Variants in SERPINB10 observed in about 807,000 individuals in gnomAD.
SERPINB10 encodes the protein serpin B10.
In SERPINB10, 35 loss-of-function variants were observed where a neutral mutation model predicts 39.1. The ratio of observed to expected loss-of-function variants is 0.90; its 90% CI spans 0.68 to 1.19. The LOEUF (loss-of-function observed/expected upper bound fraction) is 1.19. Among genes scored for constraint, SERPINB10 ranks in the 50% most tolerant of loss-of-function variants. SERPINB10 has a pLI of 0.00. For synonymous variants in SERPINB10, 190 were observed against 158.1 expected (o/e 1.20, Z -1.52); for missense variants, 546 against 460.5 (o/e 1.19, Z -1.70).
intron 5 of SERPINB10, among the ~76,000 whole-genome samples, chr18:63,924,014 A>G (rs931380498): frequency 2.0e-5 from 3 of 151,936 alleles, no homozygotes; most frequent in Admixed American, 6.6e-5. Flanking sequence ...AGTCAGCTTT[A>G]TCTGAATATG....
chr18:63,917,480 G>A lies in SERPINB10; in HGVS notation c.193G>A (p.Gly65Arg), dbSNP rs1044060732. 1.3e-6 allele frequency: 2 copies of A among 1,582,802 alleles called. No homozygotes were observed. The highest frequency in any genetic ancestry group is 1.4e-5 in the African/African-American group (1 of 73,024). Residue 65 changes from glycine (G) to arginine (R), a missense_variant, in exon 3 of 8, where the codon GGA (glycine) becomes AGA (arginine). Physicochemically the swap from Gly to Arg is moderately radical, Grantham distance 125. Coordinates refer to ENST00000238508, the MANE Select transcript of SERPINB10 (RefSeq NM_005024.3). ...AQVLQFNRDQGVKCDPESEKK... is the reference protein window; with the variant it reads ...AQVLQFNRDQRVKCDPESEKK... ...GGTGCTTCAATTTAACAGAGACCAG[G>A]GAGTCAAATGTGACCCTGAAAGTGA... is the stretch of plus-strand genomic sequence containing the variant.
intron 6 of SERPINB10, among the ~76,000 whole-genome samples, chr18:63,932,501 G>A (rs577695427): frequency 6.6e-6 from 1 of 152,224 alleles, no homozygotes; most frequent in East Asian, 1.9e-4. Context: ...TTCATGTGCT[G>A]TATGTCTTCT....
At chr18:63,929,712 C>CAAA (rs74169990) in intron 5 of SERPINB10, among the ~76,000 whole-genome samples, 17 of 97,364 alleles carry the variant, frequency 1.7e-4, no homozygotes, top group East Asian at 5.6e-4. Context: ...AGCTAAAGTG[C>CAAA]AAAAAAAAAA....
chr18:63,926,641 G>A (rs979371372), intron 5 of SERPINB10, among the ~76,000 whole-genome samples: 1 of 152,016 alleles, frequency 6.6e-6, no homozygotes, highest in South Asian at 2.1e-4. Flanking sequence ...AAGGTGTCAA[G>A]GTCATGAAAG....
chr18:63,930,604 TA>T (rs2050215400), intron 6 of SERPINB10, among the ~76,000 whole-genome samples: 1 of 152,092 alleles, frequency 6.6e-6, no homozygotes, highest in African/African-American at 2.4e-5. Flanking sequence ...GTAAAAGCAA[TA>T]AAAACGGAGA....
At chr18:63,933,868 G>A (rs1188273863) in intron 7 of SERPINB10, among the ~76,000 whole-genome samples, 1 of 152,186 alleles carries the variant, frequency 6.6e-6, no homozygotes, top group African/African-American at 2.4e-5. Flanking sequence ...TCTTTGCACA[G>A]TGTCTAATTT....
At chr18:63,921,277 G>A (rs2050144980) in intron 5 of SERPINB10, among the ~76,000 whole-genome samples, 1 of 151,694 alleles carries the variant, frequency 6.6e-6, no homozygotes, top group East Asian at 1.9e-4. Context: ...TGAACTTCAG[G>A]GCTCATAACA....
rs1235306259 is a variant in SERPINB10, at chr18:63,915,420, CA to C, written c.-9-80del. ...ATGACAATGTATATGGATATGTATG[CA>C]ACTATGAATACATATTTTTTCAAAG... On this transcript the variant is annotated intron_variant, in intron 1 of 7. Coordinates refer to ENST00000238508, the MANE Select transcript of SERPINB10 (RefSeq NM_005024.3). 1.2e-5 allele frequency: 12 copies of C among 986,642 alleles called. No individual in the cohort carries two copies. In the African/African-American group the frequency reaches 1.7e-4, roughly 14 times the overall value. The allele number at this position is 986,642 out of a possible 1,614,324, so 61.1% of individuals were successfully genotyped here.
intron 5 of SERPINB10, among the ~76,000 whole-genome samples, chr18:63,925,164 T>C (rs1414683509): frequency 6.6e-6 from 1 of 151,990 alleles, no homozygotes; most frequent in Non-Finnish European, 1.5e-5. Context: ...GAACCCTGTG[T>C]TATTAGATTG....
chr18:63,922,674 C>T (rs2050154666), intron 5 of SERPINB10, among the ~76,000 whole-genome samples: 2 of 151,920 alleles, frequency 1.3e-5, no homozygotes, highest in Non-Finnish European at 2.9e-5. Context: ...CTTGCTTCCC[C>T]AGCTTAGACT....
rs762813126 is a variant in SERPINB10, at chr18:63,915,518, C to G, written c.8C>G (p.Ser3Cys). The change falls in exon 2 of 8, where the codon TCT (serine) becomes TGT (cysteine). Residue 3 changes from serine (S) to cysteine (C), a missense_variant. Ser to Cys is a moderately radical substitution (Grantham distance 112). Coordinates refer to ENST00000238508, the MANE Select transcript of SERPINB10 (RefSeq NM_005024.3). Reference protein sequence around the residue: MDSLATSINQFAL... With the variant: MDCLATSINQFAL... ...TTTTCTTAGGTTTCCTCAATGGACT[C>G]TCTAGCAACATCAATCAACCAGTTT... 6 of 1,611,024 alleles carry G rather than the reference C, an allele frequency of 3.7e-6. No homozygotes were observed. The highest frequency in any genetic ancestry group is 4.2e-6 in the Non-Finnish European group (5 of 1,178,112).
intron 1 of SERPINB10, among the ~76,000 whole-genome samples, chr18:63,911,401 T>G (rs2050063387): frequency 6.6e-6 from 1 of 151,928 alleles, no homozygotes; most frequent in Non-Finnish European, 1.5e-5. Flanking sequence ...TCTAGGATTC[T>G]GATAGTCTGA....
In SERPINB10 at chr18:63,915,540, G is replaced by A; in HGVS notation, c.30G>A (p.Gln10=). MDSLATSIN[Q]FALELSKKLA... is the part of the protein sequence containing the mutation. ...ACTCTCTAGCAACATCAATCAACCA[G>A]TTTGCCCTGGAGTTGAGCAAAAAGC... Residue 10 remains glutamine, a synonymous_variant, in exon 2 of 8, where the codon CAG becomes CAA. Transcript: ENST00000238508. 6.2e-7 allele frequency: 1 copy of A among 1,612,292 alleles called. No individual in the cohort carries two copies. The highest frequency in any genetic ancestry group is 8.5e-7 in the Non-Finnish European group (1 of 1,178,926).
At chr18:63,926,557 C>T (rs1027488758) in intron 5 of SERPINB10, among the ~76,000 whole-genome samples, 1 of 151,956 alleles carries the variant, frequency 6.6e-6, no homozygotes, top group Non-Finnish European at 1.5e-5. Context: ...TGAATATTAT[C>T]TTGATTAAAC....
In SERPINB10 at chr18:63,909,972, A is replaced by T. The variant is rs145316247; in HGVS notation, c.-10+1932A>T. ...TTTAATCAAATAATGTCAGCCTGGG[A>T]TTATCATAAGCTTTTGGAGTAGACA... On this transcript the variant is annotated intron_variant, in intron 1 of 7. Coordinates refer to ENST00000238508, the MANE Select transcript of SERPINB10 (RefSeq NM_005024.3). Among the ~76,000 whole-genome samples the T allele has an allele frequency of 7.1e-4, 108 of 152,134 alleles. 1 individual carries two copies. In the East Asian group the frequency reaches 0.019, roughly 26 times the overall value.
At chr18:63,913,041 C>G (rs552800395) in intron 1 of SERPINB10, among the ~76,000 whole-genome samples, 121 of 151,804 alleles carry the variant, frequency 8.0e-4, no homozygotes, top group African/African-American at 2.8e-3. Flanking sequence ...TTCATTTTCT[C>G]TAGATTATCT....
At chr18:63,926,471 G>T (rs1353687879) in intron 5 of SERPINB10, among the ~76,000 whole-genome samples, 1 of 151,912 alleles carries the variant, frequency 6.6e-6, no homozygotes, top group East Asian at 1.9e-4. Context: ...GGTACTACGG[G>T]TTAGAAGTGG....
At position 63,919,926 on chromosome 18, in the gene SERPINB10, T is replaced by C. The variant is rs754302793; in HGVS notation, c.490+21T>C. ...CGAGGGTAAGCTTTCACCAAGGGGT[T>C]TGGCAGCGTGCTTTTCCCAAACATC... On this transcript the variant is annotated intron_variant, in intron 5 of 7. Coordinates refer to ENST00000238508, the MANE Select transcript of SERPINB10 (RefSeq NM_005024.3). 3.4e-6 allele frequency: 5 copies of C among 1,487,058 alleles called. No individual in the cohort carries two copies. In the East Asian group the frequency reaches 1.1e-4, roughly 34 times the overall value. The allele number at this position is 1,487,058 out of a possible 1,614,324, so 92.1% of individuals were successfully genotyped here.
Position 63,932,923 on chromosome 18 carries a change from A to G in SERPINB10, c.634-125A>G, listed in dbSNP as rs79629538. 1.4e-4 allele frequency: 121 copies of G among 836,816 alleles called. No individual in the cohort carries two copies. The African/African-American group carries it at 1.7e-3, about 12-fold the overall frequency. The allele number at this position is 836,816 out of a possible 1,614,324, so 51.8% of individuals were successfully genotyped here. ...AAGGAAGGTCTGGATAACTTTATTC[A>G]GCATTTAGCAGAGAATCAGCAGTTT... On this transcript the variant is annotated intron_variant, in intron 6 of 7. Coordinates refer to ENST00000238508, the MANE Select transcript of SERPINB10 (RefSeq NM_005024.3).
Sources: allele counts gnomAD v4.1 joint callset (sites outside exome capture counted in the v4.1 genomes callset), GRCh38; gene constraint gnomAD v4.1.1; transcripts MANE v1.5; gene names NCBI Gene and HGNC (gene_info 2026-07-23, HGNC 2026-07-21).